ADGRL2: variants seen among roughly 807,000 people sequenced by gnomAD.
The protein encoded by ADGRL2 is adhesion G protein-coupled receptor L2.
In ADGRL2, 44 loss-of-function variants were observed where a neutral mutation model predicts 157.4. The observed-to-expected ratio is 0.28, with a 90% CI of 0.22 to 0.36. The LOEUF is 0.36. ADGRL2 is among the 10% of genes least tolerant of loss of function. The probability of loss-of-function intolerance (pLI) is 1.00; values close to 1 mark genes in which losing one functional copy is unlikely to be tolerated. For synonymous variants in ADGRL2, 585 were observed against 624.7 expected, an observed-to-expected ratio of 0.94 and a Z score of 0.95; for missense variants, 1,510 against 1,768.9, an observed-to-expected ratio of 0.85 and a Z score of 2.63.
intron 1 of ADGRL2, among the ~76,000 whole-genome samples, chr1:81,409,024 G>A (rs886211459): frequency 6.6e-6 from 1 of 152,174 alleles, no homozygotes; most frequent in Non-Finnish European, 1.5e-5. Flanking sequence ...TTTTTCTTCA[G>A]TGTGAAAAAT....
At chr1:81,976,122 CAT>C (rs1270752060) in intron 17 of ADGRL2, among the ~76,000 whole-genome samples, 3 of 151,820 alleles carry the variant, frequency 2.0e-5, no homozygotes, top group African/African-American at 7.3e-5. Flanking sequence ...TTGGTGGTAA[CAT>C]AAATTGTTGA....
At chr1:81,727,460 G>A (rs2084570207) in intron 1 of ADGRL2, among the ~76,000 whole-genome samples, 1 of 151,956 alleles carries the variant, frequency 6.6e-6, no homozygotes. Context: ...TTGAGATGGA[G>A]TCTTGCTCCG....
At chr1:81,764,189 CAAAAAA>C (rs34716755) in intron 2 of ADGRL2, among the ~76,000 whole-genome samples, 1 of 101,512 alleles carries the variant, frequency 9.9e-6, no homozygotes, top group African/African-American at 4.0e-5. Flanking sequence ...GAGACTCTGT[CAAAAAA>C]AAAAAAAAAA....
At chr1:81,357,716 G>T (rs925612483) in intron 1 of ADGRL2, among the ~76,000 whole-genome samples, 1 of 152,108 alleles carries the variant, frequency 6.6e-6, no homozygotes. Context: ...GCAGGCTTGG[G>T]GGTAGAAGGT....
intron 1 of ADGRL2, among the ~76,000 whole-genome samples, chr1:81,835,629 C>T (rs527584564): frequency 6.6e-6 from 1 of 152,082 alleles, no homozygotes; most frequent in African/African-American, 2.4e-5. Context: ...TTTGCATTTT[C>T]CTTTGTTTCT....
intron 1 of ADGRL2, among the ~76,000 whole-genome samples, chr1:81,307,419 T>A (rs1659420220): frequency 6.6e-6 from 1 of 152,198 alleles, no homozygotes. Flanking sequence ...CATACTGAAA[T>A]GTCATAACAT....
chr1:81,579,601 C>T (rs1298597328), intron 2 of ADGRL2, among the ~76,000 whole-genome samples: 1 of 152,130 alleles, frequency 6.6e-6, no homozygotes, highest in Non-Finnish European at 1.5e-5. Context: ...ATATAAACAG[C>T]ATATGAATTC....
intron 2 of ADGRL2, among the ~76,000 whole-genome samples, chr1:81,482,800 T>A (rs142916723): frequency 4.7e-4 from 71 of 151,598 alleles, no homozygotes; most frequent in African/African-American, 1.6e-3. Flanking sequence ...ATCCTTACAT[T>A]TTACATTATA....
chr1:81,789,926 G>T (rs2087251730), intron 2 of ADGRL2, among the ~76,000 whole-genome samples: 1 of 152,102 alleles, frequency 6.6e-6, no homozygotes, highest in Non-Finnish European at 1.5e-5. Flanking sequence ...TGACAACTTA[G>T]TGAGTCATAA....
At chr1:81,590,981 T>A (rs1387159239) in intron 3 of ADGRL2, among the ~76,000 whole-genome samples, 1 of 152,152 alleles carries the variant, frequency 6.6e-6, no homozygotes, top group Non-Finnish European at 1.5e-5. Context: ...TGAGCATACA[T>A]GCAGTCAAGT....
chr1:81,400,484 G>A (rs1056626993), intron 1 of ADGRL2, among the ~76,000 whole-genome samples: 1 of 152,186 alleles, frequency 6.6e-6, no homozygotes, highest in South Asian at 2.1e-4. Context: ...AACAGTACTG[G>A]GCCAACTCTA....
chr1:81,745,756 CT>C (rs1348063199), intron 1 of ADGRL2, among the ~76,000 whole-genome samples: 1 of 152,136 alleles, frequency 6.6e-6, no homozygotes, highest in Non-Finnish European at 1.5e-5. Flanking sequence ...GGTTTCTAGG[CT>C]GCTCATTGAA....
chr1:81,889,096 A>C (rs1464611882), intron 2 of ADGRL2, among the ~76,000 whole-genome samples: 3 of 152,122 alleles, frequency 2.0e-5, no homozygotes, highest in Non-Finnish European at 4.4e-5. Context: ...GAGACACAAA[A>C]ATTTTGAAAT....
At chr1:81,489,462 G>C (rs989358758) in intron 2 of ADGRL2, among the ~76,000 whole-genome samples, 2 of 152,112 alleles carry the variant, frequency 1.3e-5, no homozygotes, top group Non-Finnish European at 1.5e-5. Flanking sequence ...CAGCCTAAGG[G>C]ACCTGTGGGA....
At chr1:81,865,818 T>C (rs992946387) in intron 2 of ADGRL2, among the ~76,000 whole-genome samples, 2 of 152,234 alleles carry the variant, frequency 1.3e-5, no homozygotes, top group African/African-American at 2.4e-5. Context: ...TGCATAATTG[T>C]GACATTTAAA....
chr1:81,965,426 C>T (rs1451044444), intron 11 of ADGRL2, among the ~76,000 whole-genome samples: 2 of 152,076 alleles, frequency 1.3e-5, no homozygotes, highest in African/African-American at 2.4e-5. Context: ...CTGATGGTTA[C>T]TAGTGAGAAT....
chr1:81,581,878 A>G (rs983907981), intron 3 of ADGRL2, among the ~76,000 whole-genome samples: 35 of 110,714 alleles, frequency 3.2e-4, no homozygotes, highest in African/African-American at 1.1e-3. Flanking sequence ...ATGCGCGCAC[A>G]CACACACACA....
chr1:81,689,287 T>C (rs565625551), intron 3 of ADGRL2, among the ~76,000 whole-genome samples: 137 of 152,322 alleles, frequency 9.0e-4, no homozygotes, highest in Non-Finnish European at 1.3e-3. Context: ...CCTATAGCCA[T>C]GCTAAAAGAA....
At chr1:81,805,873 T>G (rs540341567) in intron 1 of ADGRL2, among the ~76,000 whole-genome samples, 84 of 152,180 alleles carry the variant, frequency 5.5e-4, no homozygotes, top group Non-Finnish European at 9.7e-4. Context: ...AAAATTGTCT[T>G]GAAAACATTG....
Sources: gnomAD v4.1 joint callset for allele counts (sites outside exome capture counted in the v4.1 genomes callset) on GRCh38, gnomAD v4.1.1 for gene constraint, MANE v1.5 for transcripts, NCBI Gene and HGNC (gene_info 2026-07-23, HGNC 2026-07-21) for gene names.